Variants in DACH2 observed in about 807,000 individuals in gnomAD.
The protein encoded by DACH2 is dachshund family transcription factor 2.
A neutral mutation model predicts 35.8 loss-of-function variants in DACH2; 17 were observed. The ratio of observed to expected loss-of-function variants is 0.48; its 90% CI spans 0.33 to 0.71. The LOEUF (loss-of-function observed/expected upper bound fraction) is 0.71. DACH2 is among the 30% of genes least tolerant of loss of function. DACH2 has a pLI of 0.02. For synonymous variants in DACH2, 195 were observed against 177.3 expected (o/e 1.10, Z -0.79); for missense variants, 469 against 472.7 (o/e 0.99, Z 0.07).
chrX:86,699,895 G>T (rs1233213683), intron 5 of DACH2, among the ~76,000 whole-genome samples: 1 of 111,375 alleles, frequency 9.0e-6, no homozygotes, highest in African/African-American at 3.3e-5. Context: ...ATTTTCATAT[G>T]TACTATCTTT....
intron 4 of DACH2, among the ~76,000 whole-genome samples, chrX:86,654,006 C>T (rs2040509385): frequency 9.2e-6 from 1 of 108,517 alleles, no homozygotes; most frequent in Non-Finnish European, 1.9e-5. Context: ...GGTTGGTGGC[C>T]AGCTTTGTTC....
intron 1 of DACH2, among the ~76,000 whole-genome samples, chrX:86,150,985 A>G (rs1036635330): frequency 2.7e-5 from 3 of 111,730 alleles, no homozygotes; most frequent in Non-Finnish European, 5.7e-5. Flanking sequence ...CAATTATTAC[A>G]CTTAGGAAAT....
At chrX:86,537,827 T>G (rs1179908134) in intron 3 of DACH2, among the ~76,000 whole-genome samples, 1 of 111,541 alleles carries the variant, frequency 9.0e-6, no homozygotes, top group Non-Finnish European at 1.9e-5. Flanking sequence ...CCAGATGGCC[T>G]GAAACAACTG....
intron 2 of DACH2, among the ~76,000 whole-genome samples, chrX:86,398,897 A>G (rs2036359475): frequency 8.9e-6 from 1 of 111,910 alleles, no homozygotes; most frequent in Admixed American, 9.5e-5. Flanking sequence ...GATGTCTATT[A>G]GGTCCACTTG....
At chrX:86,154,667 G>T (rs113203024) in intron 1 of DACH2, among the ~76,000 whole-genome samples, 1 of 111,473 alleles carries the variant, frequency 9.0e-6, no homozygotes, top group Admixed American at 9.6e-5. Flanking sequence ...AAGCGGCTCT[G>T]TGAGGCTGCA....
chrX:86,697,833 C>G, intron 5 of DACH2, among the ~76,000 whole-genome samples: 1 of 111,031 alleles, frequency 9.0e-6, no homozygotes, highest in East Asian at 2.8e-4. Context: ...AAAAGAGAAA[C>G]GTTGACTGAA....
rs1283321212 is a variant in DACH2, at chrX:86,308,513, G to A, written c.489-68311G>A. Among the ~76,000 whole-genome samples, 4 of 112,195 alleles carry A rather than the reference G, an allele frequency of 3.6e-5. No individual in the cohort carries two copies. In the East Asian group the frequency reaches 8.5e-4, roughly 24 times the overall value. ...TATACAAACAGAAAACTTGTAGGTC[G>A]AATGGACAAAATACTAACTTGAATT... On this transcript the variant is annotated intron_variant, in intron 1 of 11. Coordinates refer to ENST00000373125, the MANE Select transcript of DACH2 (RefSeq NM_053281.3).
intron 4 of DACH2, among the ~76,000 whole-genome samples, chrX:86,655,102 G>A (rs1229024369): frequency 1.8e-5 from 2 of 111,111 alleles, no homozygotes; most frequent in East Asian, 5.6e-4. Flanking sequence ...TCCAAGAAGC[G>A]ACAGAAGTAG....
At chrX:86,632,067 A>G (rs1278917824) in intron 3 of DACH2, among the ~76,000 whole-genome samples, 1 of 111,944 alleles carries the variant, frequency 8.9e-6, no homozygotes, top group African/African-American at 3.2e-5. Flanking sequence ...ACATGAATAA[A>G]CTGAAGTCCA....
rs7057922 is a variant in DACH2, at chrX:86,509,034, A to G, written c.528-5245A>G. Among the ~76,000 whole-genome samples, 344 of 111,696 alleles carry G rather than the reference A, an allele frequency of 3.1e-3. 4 individuals are homozygous for G. The highest frequency in any genetic ancestry group is 0.011 in the African/African-American group (324 of 30,770). ...ACATGGGTCGTTCTACTTGAGCCTT[A>G]ACATTTTAATGCATGACCCATTGAC... On this transcript the variant is annotated intron_variant, in intron 2 of 11. Transcript: ENST00000373125.
intron 6 of DACH2, among the ~76,000 whole-genome samples, chrX:86,735,741 T>C (rs2041587680): frequency 9.0e-6 from 1 of 111,718 alleles, no homozygotes; most frequent in Admixed American, 9.5e-5. Context: ...CAGCTATTTT[T>C]GATGGGGCAC....
intron 3 of DACH2, among the ~76,000 whole-genome samples, chrX:86,546,376 T>TCTG (rs1487783833): frequency 1.7e-4 from 12 of 69,371 alleles, no homozygotes; most frequent in African/African-American, 1.1e-3. Flanking sequence ...TTCTTCTTCT[T>TCTG]CTTCTTCTTC....
chrX:86,667,509 G>GAA (rs1197059248), intron 4 of DACH2, among the ~76,000 whole-genome samples: 2 of 50,390 alleles, frequency 4.0e-5, no homozygotes, highest in African/African-American at 1.8e-4. Context: ...GAGAAAGAAA[G>GAA]AAAGAAAGAA....
At chrX:86,680,039 A>G (rs2040863408) in intron 4 of DACH2, among the ~76,000 whole-genome samples, 1 of 111,794 alleles carries the variant, frequency 8.9e-6, no homozygotes. Flanking sequence ...TTGTTAGCAT[A>G]CTATACATAG....
At chrX:86,149,140 C>G (rs754246468) in intron 1 of DACH2, 32 bp downstream of exon 1, 3 of 1,153,331 alleles carry the variant, frequency 2.6e-6, no homozygotes, top group Non-Finnish European at 3.5e-6. Context: ...TCTCCCACTT[C>G]TCTTACCCCT....
At chrX:86,364,693 C>A (rs187809099) in intron 1 of DACH2, among the ~76,000 whole-genome samples, 2 of 111,695 alleles carry the variant, frequency 1.8e-5, no homozygotes, top group Admixed American at 9.5e-5. Flanking sequence ...AAGAGGAAGA[C>A]TTTTCTTTCT....
At chrX:86,556,868 C>T (rs2039138481) in intron 3 of DACH2, among the ~76,000 whole-genome samples, 1 of 99,031 alleles carries the variant, frequency 1.0e-5, no homozygotes, top group South Asian at 5.4e-4. Flanking sequence ...CATGCAGTTA[C>T]GGAGGCTGAG....
intron 3 of DACH2, among the ~76,000 whole-genome samples, chrX:86,623,117 A>G (rs2040087951): frequency 1.8e-5 from 2 of 112,276 alleles, no homozygotes; most frequent in Non-Finnish European, 3.8e-5. Flanking sequence ...AGTAAGACAT[A>G]GTCAATGACC....
chrX:86,172,330 C>CT (rs760140352), intron 1 of DACH2, among the ~76,000 whole-genome samples: 9 of 111,366 alleles, frequency 8.1e-5, no homozygotes, highest in East Asian at 5.7e-4. Context: ...CTCATTTAGA[C>CT]TTTTTTTTAC....
Sources: allele counts gnomAD v4.1 joint callset (sites outside exome capture counted in the v4.1 genomes callset), GRCh38; gene constraint gnomAD v4.1.1; transcripts MANE v1.5; gene names NCBI Gene and HGNC (gene_info 2026-07-23, HGNC 2026-07-21).